Variants in FAIM2 observed in about 807,000 individuals in gnomAD.
The protein encoded by FAIM2 is protein lifeguard 2.
Under a neutral mutation model 47.4 loss-of-function variants are expected in FAIM2, and 27 were observed. That is an observed-to-expected ratio of 0.57 (90% CI 0.42 to 0.78). The LOEUF (loss-of-function observed/expected upper bound fraction) is 0.78. FAIM2 is among the 30% of genes least tolerant of loss of function. The pLI, the probability that FAIM2 is intolerant of heterozygous loss-of-function variation, is 0.00. For synonymous variants in FAIM2, 156 were observed against 159.3 expected (o/e 0.98, Z 0.16); for missense variants, 311 against 389.4 (o/e 0.80, Z 1.69).
chr12:49,898,352 G>GCCACCCCAATCCCCAGATCTCT (rs1946955594), intron 2 of FAIM2, among the ~76,000 whole-genome samples: 2 of 50,684 alleles, frequency 3.9e-5, no homozygotes, highest in Admixed American at 2.2e-4. Flanking sequence ...CCCGGCTGGG[G>GCCACCCCAATCCCCAGATCTCT]CTCCCTGGGG....
At chr12:49,883,331 G>A (rs1427935147) in intron 11 of FAIM2, among the ~76,000 whole-genome samples, 3 of 152,088 alleles carry the variant, frequency 2.0e-5, no homozygotes, top group Admixed American at 6.5e-5. Context: ...GTAGCCATGA[G>A]GGCAGAGATA....
rs1946675819 is a variant in FAIM2, at chr12:49,868,021, C to T, written c.*2483G>A. 1 of 154,804 alleles carries T rather than the reference C, an allele frequency of 6.5e-6. No homozygotes were observed. Among genetic ancestry groups the T allele is most frequent in the South Asian group, 2.1e-4 (1 of 4,854 alleles). 9.6% of individuals were successfully genotyped at this position (154,804 alleles called of 1,614,324 possible). On this transcript the variant is annotated 3_prime_UTR_variant, in exon 12 of 12. Transcript: ENST00000320634. ...ACTGTTTATTGCCGAGGACCTGTCCCTCCTCCCCCAAGCTTTTGGCACTCA... is the reference window on the plus strand; with the variant it reads ...ACTGTTTATTGCCGAGGACCTGTCCTTCCTCCCCCAAGCTTTTGGCACTCA...
Position 49,887,250 on chromosome 12 carries a change from A to G in FAIM2, c.801+136T>C, listed in dbSNP as rs908260449. ...AAATGAACAAACAAACAAACGCAGC[A>G]CCGAGCCTAGCCCTACCCGCAGGTG... On this transcript the variant is annotated intron_variant, in intron 11 of 11. Transcript: ENST00000320634. 9.3e-6 allele frequency: 7 copies of G among 750,616 alleles called. No individual in the cohort carries two copies. In the African/African-American group the frequency reaches 1.2e-4, roughly 13 times the overall value. The allele number at this position is 750,616 out of a possible 1,614,324, so 46.5% of individuals were successfully genotyped here. A position where few individuals can be genotyped will look rare whatever the true frequency, so the allele number is the denominator to read the frequency against.
chr12:49,880,253 T>C (rs1243933655), intron 11 of FAIM2, among the ~76,000 whole-genome samples: 1 of 152,042 alleles, frequency 6.6e-6, no homozygotes, highest in Middle Eastern at 3.4e-3. Context: ...TATGTTCATG[T>C]GTATATGTGC....
At chr12:49,871,633 C>T (rs1451443081) in intron 11 of FAIM2, among the ~76,000 whole-genome samples, 3 of 151,764 alleles carry the variant, frequency 2.0e-5, no homozygotes, top group East Asian at 1.9e-4. Context: ...CACTGATCCA[C>T]GTGGGATTGG....
At chr12:49,878,908 G>A (rs1005816382) in intron 11 of FAIM2, among the ~76,000 whole-genome samples, 1 of 135,040 alleles carries the variant, frequency 7.4e-6, no homozygotes, top group African/African-American at 2.8e-5. Flanking sequence ...ATGTGTATGC[G>A]TGTGAGTGCA....
In FAIM2 at chr12:49,890,141, G is replaced by C. The variant is rs1946889625; in HGVS notation, c.539C>G (p.Ala180Gly). Residue 180 changes from alanine (A) to glycine (G), a missense_variant, in exon 8 of 12, where the codon GCC becomes GGC. Transcript: ENST00000320634. ...ILLTVFTLSMAYLTGMLSSYY... is the reference protein window; with the variant it reads ...ILLTVFTLSMGYLTGMLSSYY... The stretch of plus-strand genomic sequence containing the variant: ...CCTGGACAGCATCCCAGTGAGGTAG[G>C]CCATGGACAGGGTCTGAAAGGAGAA... 4 of 1,613,928 alleles carry C rather than the reference G, an allele frequency of 2.5e-6. No individual in the cohort carries two copies. The highest frequency in any genetic ancestry group is 3.4e-6 in the Non-Finnish European group (4 of 1,179,904).
Position 49,897,985 on chromosome 12 carries a change from A to G in FAIM2, c.315+2T>C. ...TCCCAGAGGGCTACAGAGGGGCATTACCTTTCTGACAAAGACTCGACGAAC... is the reference window on the plus strand; with the variant it reads ...TCCCAGAGGGCTACAGAGGGGCATTGCCTTTCTGACAAAGACTCGACGAAC... On this transcript the variant is annotated splice_donor_variant, in intron 3 of 11. Transcript: ENST00000320634. LOFTEE classifies it high-confidence loss of function. 1 of 1,611,714 alleles carries G rather than the reference A, an allele frequency of 6.2e-7. No homozygotes were observed. The highest frequency in any genetic ancestry group is 8.5e-7 in the Non-Finnish European group (1 of 1,177,906).
At chr12:49,897,616 G>A in intron 3 of FAIM2, 33 bp from the exon 4 acceptor site, 1 of 1,578,404 alleles carries the variant, frequency 6.3e-7, no homozygotes, top group Non-Finnish European at 8.7e-7. Context: ...TCAGCTTGGG[G>A]GGCCCTGTTA....
Position 49,889,217 on chromosome 12 carries a change from T to C in FAIM2, c.652-15A>G. On this transcript the variant is annotated splice_polypyrimidine_tract_variant and intron_variant, in intron 9 of 11. Coordinates refer to ENST00000320634, the MANE Select transcript of FAIM2 (RefSeq NM_012306.4). ...GTGAAGTCGAACTGTGGGGACAGGA[T>C]GGGGTTAGCTGCAGGAGCGGCCTGA... 2 of 1,598,136 alleles carry C rather than the reference T, an allele frequency of 1.3e-6. No individual in the cohort carries two copies. Among genetic ancestry groups the C allele is most frequent in the Non-Finnish European group, 1.7e-6 (2 of 1,170,260 alleles).
At chr12:49,890,254 C>T in intron 7 of FAIM2, 100 bp from the exon 8 acceptor site, 1 of 1,077,536 alleles carries the variant, frequency 9.3e-7, no homozygotes, top group Non-Finnish European at 1.4e-6. Flanking sequence ...GCAGGTACCC[C>T]TCAACTCTTT....
At chr12:49,900,197 A>AG (rs1946972508) in intron 2 of FAIM2, 1 of 1,287,966 alleles carries the variant, frequency 7.8e-7, no homozygotes, top group South Asian at 1.2e-5. Context: ...GTGAGTCTTC[A>AG]GGGGTCTGCG....
intron 11 of FAIM2, among the ~76,000 whole-genome samples, chr12:49,880,238 A>T (rs1565614777): frequency 7.1e-6 from 1 of 139,984 alleles, no homozygotes; most frequent in African/African-American, 2.7e-5. Flanking sequence ...GCATGTGTGT[A>T]TGTGTATGTT....
Position 49,889,105 on chromosome 12 carries a change from A to G in FAIM2, c.747+2T>C. 6.2e-7 allele frequency: 1 copy of G among 1,605,232 alleles called. No homozygotes were observed. Among genetic ancestry groups the G allele is most frequent in the Non-Finnish European group, 8.5e-7 (1 of 1,175,024 alleles). On this transcript the variant is annotated splice_donor_variant, in intron 10 of 11. Transcript: ENST00000320634. LOFTEE classifies it high-confidence loss of function. ...GGCCTGCTGGGGGACCCAGAGACTC[A>G]CATATTGGAAGGGTAGGAGGATGGC...
At chr12:49,891,854 G>A (rs1018213887) in intron 5 of FAIM2, among the ~76,000 whole-genome samples, 21 of 152,316 alleles carry the variant, frequency 1.4e-4, no homozygotes, top group African/African-American at 5.1e-4. Context: ...CAGAGATAGC[G>A]ATGGAGGATT....
intron 11 of FAIM2, among the ~76,000 whole-genome samples, chr12:49,881,518 G>T (rs1946825449): frequency 6.6e-6 from 1 of 152,036 alleles, no homozygotes; most frequent in South Asian, 2.1e-4. Context: ...AGTTCCATGG[G>T]CCCTGGAGTC....
intron 11 of FAIM2, among the ~76,000 whole-genome samples, chr12:49,880,542 GTA>G (rs1946811427): frequency 1.3e-5 from 1 of 79,492 alleles, no homozygotes; most frequent in African/African-American, 6.7e-5. Context: ...GCGTGTGTAT[GTA>G]TGCATGCGTG....
At chr12:49,888,593 T>C (rs1946877497) in intron 10 of FAIM2, among the ~76,000 whole-genome samples, 1 of 152,034 alleles carries the variant, frequency 6.6e-6, no homozygotes, top group Admixed American at 6.5e-5. Flanking sequence ...GCTGGACACC[T>C]CTAAAAGAGC....
At chr12:49,895,884 G>A (rs73116339) in intron 5 of FAIM2, among the ~76,000 whole-genome samples, 36,160 of 152,072 alleles carry the variant, frequency 0.24, 5,453 homozygotes, top group South Asian at 0.33. Flanking sequence ...TTGACCCCAC[G>A]AGGCCCCACT....
Sources: gnomAD v4.1 joint callset for allele counts (sites outside exome capture counted in the v4.1 genomes callset) on GRCh38, gnomAD v4.1.1 for gene constraint, MANE v1.5 for transcripts, NCBI Gene and HGNC (gene_info 2026-07-23, HGNC 2026-07-21) for gene names.